Variants in EYS observed in about 807,000 individuals in gnomAD.
The protein encoded by EYS is protein eyes shut homolog.
EYS carries 250 observed loss-of-function variants against 282.1 expected under a neutral mutation model. The ratio of observed to expected loss-of-function variants is 0.89; its 90% CI spans 0.80 to 0.98. EYS has a LOEUF of 0.98. Ranked by LOEUF, EYS falls within the 50% of genes least tolerant of loss-of-function variation. EYS has a pLI of 0.00. For missense variants in EYS, 4,016 were observed against 3,709.0 expected, an observed-to-expected ratio of 1.08 and a Z score of -2.15; for synonymous variants, 1,355 against 1,282.9, an observed-to-expected ratio of 1.06 and a Z score of -1.20.
At chr6:64,704,747 C>A (rs1770940959) in intron 22 of EYS, among the ~76,000 whole-genome samples, 1 of 151,876 alleles carries the variant, frequency 6.6e-6, no homozygotes, top group Admixed American at 6.6e-5. Flanking sequence ...GATTGAATGA[C>A]TTCACGAGTT....
At chr6:63,917,871 C>T (rs1401937378) in intron 35 of EYS, among the ~76,000 whole-genome samples, 1 of 152,184 alleles carries the variant, frequency 6.6e-6, no homozygotes, top group African/African-American at 2.4e-5. Context: ...GCTCTCCTTT[C>T]CTATTGCCGG....
At chr6:64,607,673 T>C (rs1227401359) in intron 24 of EYS, among the ~76,000 whole-genome samples, 1 of 152,118 alleles carries the variant, frequency 6.6e-6, no homozygotes, top group East Asian at 1.9e-4. Context: ...CATAACAGAA[T>C]AGATAAGCTA....
intron 33 of EYS, among the ~76,000 whole-genome samples, chr6:64,049,475 G>C (rs552226398): frequency 6.6e-6 from 1 of 152,254 alleles, no homozygotes; most frequent in South Asian, 2.1e-4. Context: ...GCACCCAGCA[G>C]AGTACTGACC....
At chr6:65,134,191 G>C (rs1196461316) in intron 12 of EYS, among the ~76,000 whole-genome samples, 1 of 152,024 alleles carries the variant, frequency 6.6e-6, no homozygotes, top group African/African-American at 2.4e-5. Flanking sequence ...TAATCATTGT[G>C]GAAAGCAGTG....
At chr6:64,382,067 T>G (rs1341118053) in intron 29 of EYS, among the ~76,000 whole-genome samples, 1 of 152,188 alleles carries the variant, frequency 6.6e-6, no homozygotes, top group Non-Finnish European at 1.5e-5. Context: ...CTTGCTAGAC[T>G]TCACTGCAGC....
At chr6:64,511,405 C>T (rs908059883) in intron 26 of EYS, among the ~76,000 whole-genome samples, 4 of 151,580 alleles carry the variant, frequency 2.6e-5, no homozygotes, top group South Asian at 2.1e-4. Context: ...AGGAGGAAAT[C>T]GCAAGATGAT....
chr6:65,671,664 C>A (rs1291562683), intron 1 of EYS, among the ~76,000 whole-genome samples: 1 of 152,024 alleles, frequency 6.6e-6, no homozygotes, highest in Admixed American at 6.6e-5. Flanking sequence ...GTGAGAAACC[C>A]AGAGACCAGC....
In EYS at chr6:65,638,900, AG is replaced by A. The variant is rs1370626135; in HGVS notation, c.-333+877del. On this transcript the variant is annotated intron_variant, in intron 2 of 42. Transcript: ENST00000503581. ...GGCCACAGAGGTTTCCAGCTGGAAA[AG>A]CAACACCCTAAGGAACTCAAGACAG... 2.6e-5 allele frequency among the ~76,000 whole-genome samples: 4 copies of A among 152,352 alleles called. No homozygotes were observed. The East Asian group carries it at 7.7e-4, about 29-fold the overall frequency.
intron 33 of EYS, among the ~76,000 whole-genome samples, chr6:64,058,100 C>G (rs1771046634): frequency 6.6e-6 from 1 of 152,110 alleles, no homozygotes; most frequent in Non-Finnish European, 1.5e-5. Context: ...GTGCTGTTCT[C>G]ATGATAGCAA....
intron 22 of EYS, among the ~76,000 whole-genome samples, chr6:64,728,185 T>A (rs1222136935): frequency 1.3e-5 from 2 of 152,210 alleles, no homozygotes; most frequent in Non-Finnish European, 2.9e-5. Context: ...TGTGGCAGTG[T>A]CTAGTGAGGA....
At chr6:64,759,419 G>C (rs1206782181) in intron 22 of EYS, among the ~76,000 whole-genome samples, 20 of 152,020 alleles carry the variant, frequency 1.3e-4, no homozygotes, top group Admixed American at 1.3e-3. Flanking sequence ...AATTTTACTT[G>C]AAAGTAATTC....
intron 12 of EYS, among the ~76,000 whole-genome samples, chr6:65,114,661 T>A (rs1775315486): frequency 6.6e-6 from 1 of 151,914 alleles, no homozygotes; most frequent in Non-Finnish European, 1.5e-5. Context: ...TCTTTCTTTG[T>A]GGTATGCTAT....
At chr6:64,697,141 A>T (rs1192677012) in intron 22 of EYS, among the ~76,000 whole-genome samples, 1 of 152,298 alleles carries the variant, frequency 6.6e-6, no homozygotes, top group East Asian at 1.9e-4. Context: ...AACATGAATC[A>T]ACTACATGCT....
chr6:64,180,074 A>G (rs1294812231), intron 31 of EYS, among the ~76,000 whole-genome samples: 2 of 152,182 alleles, frequency 1.3e-5, no homozygotes, highest in African/African-American at 4.8e-5. Flanking sequence ...GGGTTTGGAT[A>G]GATCTAAAGC....
Position 64,617,439 on chromosome 6 carries a change from A to G in EYS, c.3663T>C (p.Cys1221=), listed in dbSNP as rs975628082. 4 of 1,549,680 alleles carry G rather than the reference A, an allele frequency of 2.6e-6. No homozygotes were observed. Among genetic ancestry groups the G allele is most frequent in the Non-Finnish European group, 3.5e-6 (4 of 1,145,444 alleles). The part of the protein sequence containing the change: ...LCMENEPGST[C]LCTPGFMTCS... Reference sequence around the variant, plus strand: ...TTACCATAAATCCAGGTGTGCATAAACATGTCGAGCCAGGTTCATTCTCCA... The same window carrying G: ...TTACCATAAATCCAGGTGTGCATAAGCATGTCGAGCCAGGTTCATTCTCCA... The change falls in exon 24 of 43, where the codon TGT becomes TGC. Residue 1221 remains cysteine, a synonymous_variant. Coordinates refer to ENST00000503581, the MANE Select transcript of EYS (RefSeq NM_001142800.2).
At chr6:64,481,134 TA>T (rs946914402) in intron 26 of EYS, among the ~76,000 whole-genome samples, 67 of 151,194 alleles carry the variant, frequency 4.4e-4, no homozygotes, top group African/African-American at 1.6e-3. Context: ...GCCATTATTA[TA>T]AAAAGCCACT....
chr6:64,726,987 T>C (rs1771778300), intron 22 of EYS, among the ~76,000 whole-genome samples: 1 of 152,196 alleles, frequency 6.6e-6, no homozygotes, highest in Admixed American at 6.5e-5. Context: ...TCTTACTTTT[T>C]AGCAAATGCA....
chr6:64,444,870 C>T (rs1775068601), intron 26 of EYS, among the ~76,000 whole-genome samples: 2 of 152,188 alleles, frequency 1.3e-5, no homozygotes, highest in African/African-American at 2.4e-5. Flanking sequence ...CTTTCTCTCT[C>T]GTTTCCTCTC....
intron 22 of EYS, among the ~76,000 whole-genome samples, chr6:64,754,387 C>A: frequency 3.0e-5 from 1 of 33,588 alleles, no homozygotes; most frequent in East Asian, 4.7e-4. Flanking sequence ...CAGTCAGATT[C>A]ACAGCTGATG....
Sources: gnomAD v4.1 joint callset for allele counts (sites outside exome capture counted in the v4.1 genomes callset) on GRCh38, gnomAD v4.1.1 for gene constraint, MANE v1.5 for transcripts, NCBI Gene and HGNC (gene_info 2026-07-23, HGNC 2026-07-21) for gene names.